Variants in BRINP2 observed in about 807,000 individuals in gnomAD.
BRINP2 encodes BMP/retinoic acid inducible neural specific 2, also known as BMP/retinoic acid-inducible neural-specific protein 2.
BRINP2 carries 21 observed loss-of-function variants against 69.2 expected under a neutral mutation model. The observed-to-expected ratio is 0.30, with a 90% CI of 0.22 to 0.44. The LOEUF is 0.44. BRINP2 is among the 20% of genes least tolerant of loss of function. BRINP2 has a pLI of 1.00. For synonymous variants in BRINP2, 380 were observed against 394.1 expected (o/e 0.96, Z 0.42); for missense variants, 877 against 986.0 (o/e 0.89, Z 1.48).
chr1:177,215,150 G>A (rs183951769), intron 1 of BRINP2, among the ~76,000 whole-genome samples: 9 of 152,262 alleles, frequency 5.9e-5, no homozygotes, highest in African/African-American at 1.9e-4. Flanking sequence ...TTGAGAATAT[G>A]CAGTATTTGT....
At chr1:177,241,040 C>T (rs1246765033) in intron 2 of BRINP2, among the ~76,000 whole-genome samples, 2 of 151,806 alleles carry the variant, frequency 1.3e-5, no homozygotes, top group African/African-American at 4.8e-5. Context: ...GGTGCGATCT[C>T]AGCTCACTGT....
At chr1:177,252,103 T>C (rs1053486414) in intron 2 of BRINP2, among the ~76,000 whole-genome samples, 2 of 152,186 alleles carry the variant, frequency 1.3e-5, no homozygotes, top group Non-Finnish European at 2.9e-5. Flanking sequence ...AGAGATGAGA[T>C]TAGGCAACTG....
At chr1:177,188,913 C>T (rs1648508141) in intron 1 of BRINP2, among the ~76,000 whole-genome samples, 1 of 152,072 alleles carries the variant, frequency 6.6e-6, no homozygotes, top group African/African-American at 2.4e-5. Context: ...CCTATTCACC[C>T]ATACCTTTGT....
chr1:177,181,865 G>A (rs1334350414), intron 1 of BRINP2, among the ~76,000 whole-genome samples: 2 of 152,186 alleles, frequency 1.3e-5, no homozygotes, highest in Non-Finnish European at 2.9e-5. Context: ...CCCTAGAGGC[G>A]AAAAGCTGTG....
chr1:177,188,182 G>A (rs896087155), intron 1 of BRINP2, among the ~76,000 whole-genome samples: 1 of 152,134 alleles, frequency 6.6e-6, no homozygotes, highest in Non-Finnish European at 1.5e-5. Flanking sequence ...AGCAGGTACT[G>A]TAACTTACTC....
chr1:177,254,410 T>A (rs540381761), intron 2 of BRINP2, among the ~76,000 whole-genome samples: 1 of 147,192 alleles, frequency 6.8e-6, no homozygotes, highest in Non-Finnish European at 1.5e-5. Context: ...ACACACACAC[T>A]ATCTTCACTT....
chr1:177,262,406 G>T (rs1388067831), intron 4 of BRINP2, among the ~76,000 whole-genome samples: 1 of 152,042 alleles, frequency 6.6e-6, no homozygotes, highest in Non-Finnish European at 1.5e-5. Context: ...CAGCTACTTG[G>T]GAGGCTGAGG....
At chr1:177,171,951 G>A (rs1321518588) in intron 1 of BRINP2, among the ~76,000 whole-genome samples, 1 of 152,152 alleles carries the variant, frequency 6.6e-6, no homozygotes, top group East Asian at 1.9e-4. Context: ...ATTGCCTCCT[G>A]GTGTTGCATG....
intron 6 of BRINP2, among the ~76,000 whole-genome samples, chr1:177,276,949 C>G (rs1651518300): frequency 6.7e-6 from 1 of 150,366 alleles, no homozygotes; most frequent in Non-Finnish European, 1.5e-5. Flanking sequence ...AGCCGTGCAG[C>G]TTCTCAAGGT....
intron 3 of BRINP2, 46 bp from the exon 4 acceptor site, chr1:177,257,130 T>A: frequency 6.2e-7 from 1 of 1,608,672 alleles, no homozygotes; most frequent in Non-Finnish European, 8.5e-7. Context: ...GGTAGGGGAT[T>A]CGAGAGCAGA....
At chr1:177,215,265 A>T in intron 1 of BRINP2, among the ~76,000 whole-genome samples, 1 of 152,154 alleles carries the variant, frequency 6.6e-6, no homozygotes, top group East Asian at 1.9e-4. Context: ...ATCATATTCC[A>T]TTGTTTTTTC....
At chr1:177,177,237 C>T (rs996842632) in intron 1 of BRINP2, among the ~76,000 whole-genome samples, 10 of 151,868 alleles carry the variant, frequency 6.6e-5, no homozygotes, top group Admixed American at 2.6e-4. Context: ...GCCAAGATTG[C>T]GCCACTGCAC....
At chr1:177,173,053 G>A (rs1401652225) in intron 1 of BRINP2, among the ~76,000 whole-genome samples, 1 of 152,164 alleles carries the variant, frequency 6.6e-6, no homozygotes, top group Admixed American at 6.5e-5. Context: ...GGGGCAGTCT[G>A]ATGACATCAG....
At chr1:177,237,111 G>A (rs1650050812) in intron 2 of BRINP2, among the ~76,000 whole-genome samples, 1 of 152,146 alleles carries the variant, frequency 6.6e-6, no homozygotes, top group Admixed American at 6.5e-5. Context: ...TTAAGGTCCT[G>A]TTAGACTACT....
intron 1 of BRINP2, among the ~76,000 whole-genome samples, chr1:177,214,653 C>T (rs892285323): frequency 6.6e-6 from 1 of 152,150 alleles, no homozygotes; most frequent in African/African-American, 2.4e-5. Flanking sequence ...CATCAGTGAC[C>T]AGGATTACAT....
intron 2 of BRINP2, among the ~76,000 whole-genome samples, chr1:177,251,277 G>A (rs949227528): frequency 3.9e-5 from 6 of 152,158 alleles, no homozygotes; most frequent in African/African-American, 1.4e-4. Context: ...CGGTGTAAAT[G>A]TTATGCTATG....
chr1:177,193,909 G>A (rs1166699571), intron 1 of BRINP2, among the ~76,000 whole-genome samples: 5 of 152,156 alleles, frequency 3.3e-5, no homozygotes, highest in African/African-American at 9.7e-5. Context: ...AACTTCAGGG[G>A]AATAACTCAT....
intron 1 of BRINP2, among the ~76,000 whole-genome samples, chr1:177,217,830 A>T (rs1649422036): frequency 6.6e-6 from 1 of 152,190 alleles, no homozygotes; most frequent in Non-Finnish European, 1.5e-5. Context: ...TCACTGGCTG[A>T]GCTCTACTAC....
At position 177,280,624 on chromosome 1, in the gene BRINP2, G is replaced by A. The variant is rs1205221972; in HGVS notation, c.1448G>A (p.Gly483Asp). Reference protein sequence around the residue: ...NSTRCGSCNPGYVLAQGLCRP... With the variant: ...NSTRCGSCNPDYVLAQGLCRP... ...ACACGCTGTGGGAGCTGCAACCCGGGCTATGTGCTGGCCCAGGGGCTGTGC... is the reference window on the plus strand; with the variant it reads ...ACACGCTGTGGGAGCTGCAACCCGGACTATGTGCTGGCCCAGGGGCTGTGC... Residue 483 changes from glycine to aspartate, a missense_variant, in exon 8 of 8, where the codon GGC (glycine) becomes GAC (aspartate). Physicochemically the swap from Gly to Asp is moderately conservative, Grantham distance 94. Around this residue, in one of 3 missense-constraint regions of BRINP2, gnomAD observed 566 missense variants for 625.2 expected, o/e 0.91. Coordinates refer to ENST00000361539, the MANE Select transcript of BRINP2 (RefSeq NM_021165.4). 1 of 1,614,196 alleles carries A rather than the reference G, an allele frequency of 6.2e-7. No homozygotes were observed. Among genetic ancestry groups the A allele is most frequent in the Non-Finnish European group, 8.5e-7 (1 of 1,180,026 alleles).
Sources: gnomAD v4.1 joint callset for allele counts (sites outside exome capture counted in the v4.1 genomes callset) on GRCh38, gnomAD v4.1.1 for gene constraint, gnomAD v4.1.1 regional missense constraint, MANE v1.5 for transcripts, NCBI Gene and HGNC (gene_info 2026-07-23, HGNC 2026-07-21) for gene names.